The following ZNF765 variants were observed in gnomAD, a reference collection of about 807,000 sequenced individuals.
ZNF765 encodes zinc finger protein 765.
ZNF765 carries 37 observed loss-of-function variants against 44.7 expected under a neutral mutation model. The ratio of observed to expected loss-of-function variants is 0.83; its 90% CI spans 0.64 to 1.09. The LOEUF is 1.09. ZNF765 is among the 50% of genes least tolerant of loss of function. The pLI is 0.00. For synonymous variants in ZNF765, 201 were observed against 213.7 expected, an observed-to-expected ratio of 0.94 and a Z score of 0.52; for missense variants, 594 against 626.1, an observed-to-expected ratio of 0.95 and a Z score of 0.55.
chr19:53,397,382 TA>T (rs2085681964), intron 1 of ZNF765, among the ~76,000 whole-genome samples: 1 of 152,174 alleles, frequency 6.6e-6, no homozygotes, highest in South Asian at 2.1e-4. Context: ...GTTAAGCGTG[TA>T]AACTTAAGTG....
chr19:53,402,092 A>G lies in ZNF765; in HGVS notation c.43A>G (p.Ile15Val), dbSNP rs769154685. The G allele has an allele frequency of 1.2e-6, 2 of 1,613,886 alleles. No homozygotes were observed. The highest frequency in any genetic ancestry group is 1.3e-5 in the African/African-American group (1 of 74,898). ...QGLLTFRDVA[I>V]EFSQEEWKCL... is the part of the protein sequence containing the mutation. ...TCTATTGACATTCAGGGATGTGGCCATAGAATTCTCTCAGGAGGAGTGGAA... is the reference window on the plus strand; with the variant it reads ...TCTATTGACATTCAGGGATGTGGCCGTAGAATTCTCTCAGGAGGAGTGGAA... Residue 15 changes from isoleucine to valine, a missense_variant, in exon 3 of 4, where the codon ATA becomes GTA. Physicochemically the swap from Ile to Val is conservative, Grantham distance 29. Around this residue, in one of 2 missense-constraint regions of ZNF765, gnomAD observed 27 missense variants for 53.6 expected, o/e 0.50. Coordinates refer to ENST00000396408, the MANE Select transcript of ZNF765 (RefSeq NM_001040185.3).
downstream of ZNF765, among the ~76,000 whole-genome samples, chr19:53,415,807 T>C (rs1030226243): frequency 2.6e-5 from 4 of 152,180 alleles, no homozygotes; most frequent in Admixed American, 1.3e-4. Flanking sequence ...GGTCCCCATA[T>C]TTTCAAAATA....
Position 53,409,987 on chromosome 19 carries a change from A to G in ZNF765, c.*860A>G, listed in dbSNP as rs2085818681. On this transcript the variant is annotated 3_prime_UTR_variant, in exon 4 of 4. Coordinates refer to ENST00000396408, the MANE Select transcript of ZNF765 (RefSeq NM_001040185.3). ...CAAATCATTGGAGAATCCATAATGA[A>G]GAGAGATCCTACAAGTGTGATAAAT... 2 of 543,778 alleles carry G rather than the reference A, an allele frequency of 3.7e-6. No individual in the cohort carries two copies. The highest frequency in any genetic ancestry group is 3.0e-5 in the South Asian group (2 of 67,120). 33.7% of individuals were successfully genotyped at this position (543,778 alleles called of 1,614,324 possible).
intron 3 of ZNF765, among the ~76,000 whole-genome samples, chr19:53,405,950 TAA>T (rs1555832277): frequency 1.7e-5 from 2 of 117,604 alleles, no homozygotes; most frequent in African/African-American, 6.0e-5. Flanking sequence ...TATATATATA[TAA>T]AATTGCTGTA....
At chr19:53,419,891 C>A (rs1420676439) in intron 3 of ZNF765, among the ~76,000 whole-genome samples, 1 of 151,774 alleles carries the variant, frequency 6.6e-6, no homozygotes, top group African/African-American at 2.4e-5. Flanking sequence ...TGGTGGCAGG[C>A]GCCTGTAATC....
chr19:53,399,117 G>T (rs1211792939), intron 2 of ZNF765, among the ~76,000 whole-genome samples: 1 of 150,972 alleles, frequency 6.6e-6, no homozygotes, highest in Non-Finnish European at 1.5e-5. Flanking sequence ...TAAGTTTTAG[G>T]GTACATGTGC....
intron 1 of ZNF765, among the ~76,000 whole-genome samples, chr19:53,396,584 C>G (rs1294299301): frequency 6.6e-6 from 1 of 151,492 alleles, no homozygotes; most frequent in Non-Finnish European, 1.5e-5. Context: ...TAAATACAGA[C>G]TTTTTTTTTC....
At chr19:53,402,248 CTTTTTTTTTTTTTTTT>C (rs72582439) in intron 3 of ZNF765, 57 bp downstream of exon 3, 113 of 1,260,626 alleles carry the variant, frequency 9.0e-5, no homozygotes, top group Middle Eastern at 2.7e-4. Flanking sequence ...ATTTTCTCTC[CTTTTTTTTTTTTTTTT>C]TTTTTTTTTT....
Position 53,397,891 on chromosome 19 carries a change from G to A in ZNF765, c.-73-52G>A, listed in dbSNP as rs899677523. On this transcript the variant is annotated intron_variant, in intron 1 of 3. Coordinates refer to ENST00000396408, the MANE Select transcript of ZNF765 (RefSeq NM_001040185.3). Reference sequence around the variant, plus strand: ...CCTTTGTATGTGTTGTTGTGTTACAGGGAGGGGATATGTTGATTCTGAGCA... The same window carrying A: ...CCTTTGTATGTGTTGTTGTGTTACAAGGAGGGGATATGTTGATTCTGAGCA... 2.1e-6 allele frequency: 3 copies of A among 1,462,582 alleles called. No individual in the cohort carries two copies. The Admixed American group carries it at 5.6e-5, about 28-fold the overall frequency. The allele number at this position is 1,462,582 out of a possible 1,614,324, so 90.6% of individuals were successfully genotyped here. A position where few individuals can be genotyped will look rare whatever the true frequency, so the allele number is the denominator to read the frequency against.
intron 3 of ZNF765, among the ~76,000 whole-genome samples, chr19:53,403,535 G>T (rs73059134): frequency 2.0e-5 from 3 of 151,994 alleles, no homozygotes. Context: ...CACCGCAGCC[G>T]GCTCCGCCTT....
intron 1 of ZNF765, among the ~76,000 whole-genome samples, chr19:53,395,451 CTT>C (rs1298364984): frequency 6.6e-6 from 1 of 152,234 alleles, no homozygotes; most frequent in Non-Finnish European, 1.5e-5. Context: ...TGCTCTGAAA[CTT>C]TTTCTGACTC....
At chr19:53,419,570 G>C (rs1349508621) in intron 3 of ZNF765, among the ~76,000 whole-genome samples, 1 of 152,192 alleles carries the variant, frequency 6.6e-6, no homozygotes, top group Admixed American at 6.5e-5. Flanking sequence ...TGGCTTAAAA[G>C]AAAGTCTAAT....
intron 3 of ZNF765, among the ~76,000 whole-genome samples, chr19:53,419,380 T>TC (rs1447086275): frequency 1.3e-5 from 2 of 152,202 alleles, no homozygotes; most frequent in Non-Finnish European, 2.9e-5. Context: ...TCTCAAAGTC[T>TC]CCTCTTTGAA....
At chr19:53,412,352 C>A (rs2085840616), downstream of ZNF765, among the ~76,000 whole-genome samples, 3 of 152,192 alleles carry the variant, frequency 2.0e-5, no homozygotes. Flanking sequence ...TTGAACCATC[C>A]TTGCATCCCA....
intron 2 of ZNF765, among the ~76,000 whole-genome samples, chr19:53,399,406 G>T (rs561056712): frequency 2.2e-4 from 33 of 151,856 alleles, no homozygotes; most frequent in African/African-American, 6.3e-4. Flanking sequence ...ACTCACTGGG[G>T]AGTCACCACT....
chr19:53,414,072 C>T (rs1332234844), downstream of ZNF765, among the ~76,000 whole-genome samples: 2 of 151,450 alleles, frequency 1.3e-5, no homozygotes, highest in South Asian at 2.1e-4. Flanking sequence ...GATATCCCGT[C>T]TCTACTAAAA....
chr19:53,414,425 ACCCT>A (rs140620459), downstream of ZNF765, among the ~76,000 whole-genome samples: 7,628 of 70,108 alleles, frequency 0.11, 1,324 homozygotes, highest in Non-Finnish European at 0.17. Flanking sequence ...GGATGGACTG[ACCCT>A]CCCCACCACA....
At chr19:53,398,261 C>G (rs560050771) in intron 2 of ZNF765, among the ~76,000 whole-genome samples, 2 of 152,152 alleles carry the variant, frequency 1.3e-5, no homozygotes, top group Non-Finnish European at 2.9e-5. Flanking sequence ...GGCTCACACC[C>G]AGACATGGAT....
At chr19:53,414,155 C>T (rs553092496), downstream of ZNF765, among the ~76,000 whole-genome samples, 15 of 142,456 alleles carry the variant, frequency 1.1e-4, no homozygotes, top group South Asian at 9.3e-4. Context: ...GCAGGAGAAT[C>T]GCTTGAACCC....
Sources: allele counts gnomAD v4.1 joint callset (sites outside exome capture counted in the v4.1 genomes callset), GRCh38; gene constraint gnomAD v4.1.1; regional missense constraint gnomAD v4.1.1; transcripts MANE v1.5; gene names NCBI Gene and HGNC (gene_info 2026-07-23, HGNC 2026-07-21).